Variants in RNF121 observed in about 807,000 individuals in gnomAD.
RNF121 encodes the protein ring finger protein 121, also known as E3 ubiquitin ligase RNF121.
In RNF121, 21 loss-of-function variants were observed where a neutral mutation model predicts 46.5. The observed-to-expected ratio is 0.45, with a 90% confidence interval of 0.32 to 0.65. The LOEUF (loss-of-function observed/expected upper bound fraction) is 0.65, where lower values mean the gene tolerates loss of function less well. Ranked by LOEUF, RNF121 falls within the 30% of genes least tolerant of loss-of-function variation. RNF121 has a pLI of 0.04. For synonymous variants in RNF121, 139 were observed against 144.7 expected (o/e 0.96, Z 0.28); for missense variants, 346 against 416.0 (o/e 0.83, Z 1.46).
intron 1 of RNF121, among the ~76,000 whole-genome samples, chr11:71,948,377 G>A (rs947573344): frequency 1.1e-4 from 16 of 151,736 alleles, no homozygotes; most frequent in African/African-American, 3.4e-4. Context: ...TTAGCCGGGC[G>A]TGGTGGCTGC....
At chr11:71,939,800 T>A (rs995954732) in intron 1 of RNF121, among the ~76,000 whole-genome samples, 1 of 152,168 alleles carries the variant, frequency 6.6e-6, no homozygotes, top group African/African-American at 2.4e-5. Flanking sequence ...ATTGTGCACT[T>A]AATTATGCCA....
intron 1 of RNF121, among the ~76,000 whole-genome samples, chr11:71,952,684 C>T (rs1183005697): frequency 1.3e-5 from 2 of 152,118 alleles, no homozygotes; most frequent in Non-Finnish European, 2.9e-5. Context: ...TGGCGCATGC[C>T]TGTAATCCTA....
chr11:71,948,513 CAAAAAA>C (rs55762433), intron 1 of RNF121, among the ~76,000 whole-genome samples: 1 of 35,342 alleles, frequency 2.8e-5, no homozygotes, highest in Non-Finnish European at 5.0e-5. Flanking sequence ...AAACTGTCTC[CAAAAAA>C]AAAAAAAAAA....
At chr11:71,944,185 T>G (rs1335918437) in intron 1 of RNF121, among the ~76,000 whole-genome samples, 1 of 152,020 alleles carries the variant, frequency 6.6e-6, no homozygotes, top group East Asian at 1.9e-4. Flanking sequence ...TACAAAAAAT[T>G]AGCCAGGCGT....
At chr11:71,995,587 G>A (rs1392864740) in intron 8 of RNF121, 36 bp downstream of exon 8, 5 of 1,522,728 alleles carry the variant, frequency 3.3e-6, no homozygotes, top group Non-Finnish European at 4.5e-6. Flanking sequence ...GGAGTGGGCT[G>A]TGGGAAGAAA....
At chr11:71,969,190 C>G (rs1320828333) in intron 3 of RNF121, among the ~76,000 whole-genome samples, 1 of 151,874 alleles carries the variant, frequency 6.6e-6, no homozygotes, top group Admixed American at 6.6e-5. Flanking sequence ...CCTGGCCCCT[C>G]TTAGGATTTT....
chr11:71,931,756 G>A (rs1375648511), intron 1 of RNF121, among the ~76,000 whole-genome samples: 16 of 152,168 alleles, frequency 1.1e-4, no homozygotes, highest in Admixed American at 1.0e-3. Context: ...AGTCAGTAAA[G>A]TCTTTATGAT....
chr11:71,996,216 G>A lies in RNF121; in HGVS notation c.885G>A (p.Met295Ile), dbSNP rs1954974147. The A allele has an allele frequency of 6.2e-7, 1 of 1,614,214 alleles. No individual in the cohort carries two copies. The highest frequency in any genetic ancestry group is 8.5e-7 in the Non-Finnish European group (1 of 1,180,028). ...ACAGCTGGGAGAGGCCTCACGTCATGTATGGGCAACTGCTGGACTGGCTTC... is the reference window on the plus strand; with the variant it reads ...ACAGCTGGGAGAGGCCTCACGTCATATATGGGCAACTGCTGGACTGGCTTC... ...FSNPWERPHV[M>I]YGQLLDWLRY... The change falls in exon 9 of 9, where the codon ATG becomes ATA. Residue 295 changes from methionine to isoleucine, a missense_variant. Met to Ile is a conservative substitution (Grantham distance 10). Around this residue, in one of 2 missense-constraint regions of RNF121, gnomAD observed 286 missense variants for 383.8 expected, o/e 0.75. Coordinates refer to ENST00000361756, the MANE Select transcript of RNF121 (RefSeq NM_018320.5).
chr11:71,942,696 G>A (rs981895368), intron 1 of RNF121, among the ~76,000 whole-genome samples: 20 of 151,266 alleles, frequency 1.3e-4, no homozygotes, highest in African/African-American at 4.6e-4. Flanking sequence ...CCTGGGAGGC[G>A]GAGGTTGCAG....
chr11:71,968,181 T>C (rs1406704408), intron 3 of RNF121, among the ~76,000 whole-genome samples: 1 of 152,080 alleles, frequency 6.6e-6, no homozygotes, highest in Non-Finnish European at 1.5e-5. Context: ...TGCCTCAGCC[T>C]CCCAAGTAGC....
At chr11:71,946,995 G>A (rs1173786476) in intron 1 of RNF121, among the ~76,000 whole-genome samples, 1 of 149,688 alleles carries the variant, frequency 6.7e-6, no homozygotes, top group African/African-American at 2.5e-5. Context: ...AGCCTCCCTA[G>A]TAGCTGGGAT....
intron 3 of RNF121, among the ~76,000 whole-genome samples, chr11:71,972,693 G>C (rs755799879): frequency 6.6e-6 from 1 of 151,914 alleles, no homozygotes; most frequent in Non-Finnish European, 1.5e-5. Context: ...GTAACAACCA[G>C]ATGTCTCCAG....
intron 1 of RNF121, among the ~76,000 whole-genome samples, chr11:71,943,466 A>T (rs922450502): frequency 2.0e-5 from 3 of 152,250 alleles, no homozygotes; most frequent in Non-Finnish European, 4.4e-5. Context: ...TAATGCTGTC[A>T]GCTTTAAAAT....
In RNF121 at chr11:71,995,544, A is replaced by G; in HGVS notation, c.856A>G (p.Ser286Gly). ...KEKVDLKRMF[S>G]NPWERPHVMY... ...GAAGGTAGACCTCAAGAGGATGTTC[A>G]GCAATCCGTATCCTTTATTGGGGTC... The change falls in exon 8 of 9, where the codon AGC becomes GGC. Residue 286 changes from serine (S) to glycine (G), a missense_variant. Coordinates refer to ENST00000361756, the MANE Select transcript of RNF121 (RefSeq NM_018320.5). 6.3e-7 allele frequency: 1 copy of G among 1,583,672 alleles called. No homozygotes were observed. Among genetic ancestry groups the G allele is most frequent in the Non-Finnish European group, 8.6e-7 (1 of 1,162,438 alleles).
At chr11:71,995,709 A>G (rs1954961374) in intron 8 of RNF121, among the ~76,000 whole-genome samples, 158 bp downstream of exon 8, 1 of 152,114 alleles carries the variant, frequency 6.6e-6, no homozygotes, top group African/African-American at 2.4e-5. Flanking sequence ...TGCCCCCATG[A>G]TACAACCCCA....
intron 3 of RNF121, among the ~76,000 whole-genome samples, chr11:71,976,807 A>G (rs564121303): frequency 1.2e-4 from 19 of 152,194 alleles, no homozygotes; most frequent in South Asian, 1.0e-3. Flanking sequence ...TCCCCATTCT[A>G]TACTTTGGTA....
At chr11:71,973,946 G>A (rs1482759962) in intron 3 of RNF121, among the ~76,000 whole-genome samples, 2 of 151,958 alleles carry the variant, frequency 1.3e-5, no homozygotes, top group Non-Finnish European at 2.9e-5. Context: ...TTGTTTGTTT[G>A]TTTGTTTGTT....
At chr11:71,947,387 G>C in intron 1 of RNF121, among the ~76,000 whole-genome samples, 1 of 152,004 alleles carries the variant, frequency 6.6e-6, no homozygotes, top group East Asian at 1.9e-4. Context: ...TACTCAGGAG[G>C]CTGAGGCAGG....
intron 6 of RNF121, 128 bp from the exon 7 acceptor site, chr11:71,994,591 C>T: frequency 9.8e-7 from 1 of 1,018,334 alleles, no homozygotes; most frequent in East Asian, 2.4e-5. Flanking sequence ...AAAAAGATGT[C>T]CTCTAACTCT....
Sources: allele counts gnomAD v4.1 joint callset (sites outside exome capture counted in the v4.1 genomes callset), GRCh38; gene constraint gnomAD v4.1.1; regional missense constraint gnomAD v4.1.1; transcripts MANE v1.5; gene names NCBI Gene and HGNC (gene_info 2026-07-23, HGNC 2026-07-21).